The following PRPF3 variants were observed in gnomAD, a reference collection of about 807,000 sequenced individuals.
PRPF3 encodes the protein U4/U6 small nuclear ribonucleoprotein Prp3.
PRPF3 carries 3 observed loss-of-function variants against 89.2 expected under a neutral mutation model. The ratio of observed to expected loss-of-function variants is 0.03; its 90% CI spans 0.02 to 0.09. PRPF3 has a LOEUF of 0.09. Ranked by LOEUF, PRPF3 falls within the 10% of genes least tolerant of loss-of-function variation. The probability of loss-of-function intolerance (pLI) is 1.00; values close to 1 mark genes in which losing one functional copy is unlikely to be tolerated. For synonymous variants in PRPF3, 270 were observed against 289.1 expected (o/e 0.93, Z 0.67); for missense variants, 463 against 828.8 (o/e 0.56, Z 5.42).
At chr1:150,348,883 T>C (rs1401238349) in intron 14 of PRPF3, 3 of 442,076 alleles carry the variant, frequency 6.8e-6, no homozygotes, top group Non-Finnish European at 1.2e-5. Flanking sequence ...TTTTTATTCT[T>C]GACTGCTTGT....
Position 150,344,507 on chromosome 1 carries a change from A to C in PRPF3, c.1600A>C (p.Lys534Gln). ...AAAGGTCAAGAAAATTAAAAAGCTT[A>C]AAGAAGACATTTCACAGGGGGTACA... ...QRKVKKIKKL[K>Q]EDISQGVHIS... The change falls in exon 12 of 16, where the codon AAA (lysine) becomes CAA (glutamine). Residue 534 changes from lysine to glutamine, a missense_variant. By Grantham distance (53) the Lys-to-Gln change is moderately conservative. Around this residue, in one of 8 missense-constraint regions of PRPF3, gnomAD observed 261 missense variants for 475.8 expected, o/e 0.55. Coordinates refer to ENST00000324862, the MANE Select transcript of PRPF3 (RefSeq NM_004698.4). 2 of 1,614,162 alleles carry C rather than the reference A, an allele frequency of 1.2e-6. No individual in the cohort carries two copies. Among genetic ancestry groups the C allele is most frequent in the Non-Finnish European group, 1.7e-6 (2 of 1,180,030 alleles).
At chr1:150,325,911 C>A in intron 3 of PRPF3, 30 bp downstream of exon 3, 1 of 1,608,520 alleles carries the variant, frequency 6.2e-7, no homozygotes, top group South Asian at 1.1e-5. Flanking sequence ...CTAATGAGCT[C>A]AGGACTGTTT....
At chr1:150,328,192 T>G (rs1572197101) in intron 3 of PRPF3, 128 bp from the exon 4 acceptor site, 8 of 1,044,826 alleles carry the variant, frequency 7.7e-6, no homozygotes, top group South Asian at 1.4e-5. Context: ...TTCTGGCAGG[T>G]GGCTATTTGC....
At chr1:150,323,856 A>C (rs1156532382) in intron 1 of PRPF3, among the ~76,000 whole-genome samples, 1 of 144,100 alleles carries the variant, frequency 6.9e-6, no homozygotes, top group Non-Finnish European at 1.5e-5. Context: ...GGCTCACTGC[A>C]ACCTCTGCTG....
At chr1:150,338,421 T>G in intron 8 of PRPF3, 95 bp downstream of exon 8, 1 of 1,223,360 alleles carries the variant, frequency 8.2e-7, no homozygotes. Flanking sequence ...ATGGTTTTAG[T>G]GGGAAGGATG....
rs79516325 is a variant in PRPF3, at chr1:150,352,850, G to A, written c.1923G>A (p.Arg641=). ...TTTTCTAGGGTACAGCCAAAGACCG[G>A]AGCTTTGGAGAGATGAAGTTTAAAC... ...VLVWEGTAKD[R]SFGEMKFKQC... Residue 641 remains arginine, a synonymous_variant, in exon 16 of 16, where the codon CGG becomes CGA. Coordinates refer to ENST00000324862, the MANE Select transcript of PRPF3 (RefSeq NM_004698.4). 6,036 of 1,614,090 alleles carry A rather than the reference G, an allele frequency of 3.7e-3. 217 individuals are homozygous for A. The African/African-American group carries it at 0.072, about 19-fold the overall frequency.
intron 3 of PRPF3, 184 bp from the exon 4 acceptor site, chr1:150,328,136 G>A (rs1189382078): frequency 8.0e-6 from 5 of 626,684 alleles, no homozygotes; most frequent in Non-Finnish European, 1.1e-5. Context: ...GACTGGATTA[G>A]GAGAATGTTG....
At chr1:150,340,511 G>A (rs782814896) in intron 9 of PRPF3, 34 bp downstream of exon 9, 3 of 1,495,512 alleles carry the variant, frequency 2.0e-6, no homozygotes, top group African/African-American at 2.8e-5. Flanking sequence ...AGTCTCTAGA[G>A]CAGCATTACC....
At chr1:150,347,046 C>G (rs917893123) in intron 14 of PRPF3, among the ~76,000 whole-genome samples, 6 of 151,830 alleles carry the variant, frequency 4.0e-5, no homozygotes, top group African/African-American at 1.5e-4. Context: ...AAGCTGTGAT[C>G]GTGCCACTGC....
At chr1:150,333,383 A>G (rs1380502707) in intron 6 of PRPF3, among the ~76,000 whole-genome samples, 184 bp downstream of exon 6, 1 of 152,124 alleles carries the variant, frequency 6.6e-6, no homozygotes, top group Non-Finnish European at 1.5e-5. Flanking sequence ...CCTGGCCAAT[A>G]TGGTGAAAAC....
intron 7 of PRPF3, among the ~76,000 whole-genome samples, chr1:150,336,958 C>T (rs961295845): frequency 4.6e-5 from 7 of 151,528 alleles, no homozygotes; most frequent in African/African-American, 7.3e-5. Flanking sequence ...TGAGACAGTA[C>T]ACCTGGAGAG....
At chr1:150,340,523 A>C (rs782156168) in intron 9 of PRPF3, 46 bp downstream of exon 9, 182 of 1,426,090 alleles carry the variant, frequency 1.3e-4, no homozygotes, top group Non-Finnish European at 1.7e-4. Flanking sequence ...AGCATTACCC[A>C]TTGGAAATTT....
intron 8 of PRPF3, 121 bp from the exon 9 acceptor site, chr1:150,340,277 A>G: frequency 1.4e-6 from 1 of 718,070 alleles, no homozygotes; most frequent in Non-Finnish European, 2.5e-6. Context: ...ATGCTATTTT[A>G]GGTATATCAA....
chr1:150,342,240 C>T (rs780106220), intron 9 of PRPF3, among the ~76,000 whole-genome samples: 13 of 151,568 alleles, frequency 8.6e-5, no homozygotes, highest in Admixed American at 5.3e-4. Flanking sequence ...ATTAGCCAGA[C>T]GTGGTGGCGG....
chr1:150,344,078 A>G, intron 10 of PRPF3, 84 bp from the exon 11 acceptor site: 1 of 1,167,764 alleles, frequency 8.6e-7, no homozygotes, highest in Non-Finnish European at 1.3e-6. Flanking sequence ...GGTAAATAAT[A>G]TGAATTGGTA....
In PRPF3 at chr1:150,342,339, C is replaced by T. The variant is rs782126028; in HGVS notation, c.1283-970C>T. On this transcript the variant is annotated intron_variant, in intron 9 of 15. Coordinates refer to ENST00000324862, the MANE Select transcript of PRPF3 (RefSeq NM_004698.4). ...AGCTTGCAGTGAGCTGAGATTGCGC[C>T]ACTGCACTCCAGCCTGGGCAGCAGA... Among the ~76,000 whole-genome samples, 8 of 152,072 alleles carry T rather than the reference C, an allele frequency of 5.3e-5. No individual in the cohort carries two copies. The South Asian group carries it at 1.2e-3, about 24-fold the overall frequency.
In PRPF3 at chr1:150,338,157, T is replaced by A; in HGVS notation, c.1036-3T>A. ...TTTCTGTCTTGGATTATCTTGTTTT[T>A]AGGCTCAACTGGAGAAGCTACAGGC... On this transcript the variant is annotated splice_region_variant and splice_polypyrimidine_tract_variant and intron_variant, in intron 7 of 15. Coordinates refer to ENST00000324862, the MANE Select transcript of PRPF3 (RefSeq NM_004698.4). 1 of 1,614,050 alleles carries A rather than the reference T, an allele frequency of 6.2e-7. No individual in the cohort carries two copies. The highest frequency in any genetic ancestry group is 8.5e-7 in the Non-Finnish European group (1 of 1,179,954).
At chr1:150,324,032 G>C (rs1392300900) in intron 1 of PRPF3, among the ~76,000 whole-genome samples, 1 of 152,074 alleles carries the variant, frequency 6.6e-6, no homozygotes, top group African/African-American at 2.4e-5. Flanking sequence ...ACCTGCCTCA[G>C]CCTCCCAAAG....
intron 7 of PRPF3, among the ~76,000 whole-genome samples, chr1:150,336,141 G>T (rs782456843): frequency 6.6e-6 from 1 of 152,132 alleles, no homozygotes; most frequent in Non-Finnish European, 1.5e-5. Context: ...ATCACTGGGA[G>T]CCTTGAGCTT....
Sources: gnomAD v4.1 joint callset for allele counts (sites outside exome capture counted in the v4.1 genomes callset) on GRCh38, gnomAD v4.1.1 for gene constraint, gnomAD v4.1.1 regional missense constraint, MANE v1.5 for transcripts, NCBI Gene and HGNC (gene_info 2026-07-23, HGNC 2026-07-21) for gene names.